The following MLLT10 variants were observed in gnomAD, a reference collection of about 807,000 sequenced individuals.
MLLT10 encodes MLLT10 histone lysine methyltransferase DOT1L cofactor.
Under a neutral mutation model 129.1 loss-of-function variants are expected in MLLT10, and 30 were observed. That is an observed-to-expected ratio of 0.23 (90% CI 0.17 to 0.32). The LOEUF is 0.32. MLLT10 is among the 10% of genes least tolerant of loss of function. The pLI is 1.00. For synonymous variants in MLLT10, 490 were observed against 446.4 expected, an observed-to-expected ratio of 1.10 and a Z score of -1.23; for missense variants, 1,119 against 1,268.3, an observed-to-expected ratio of 0.88 and a Z score of 1.79.
At chr10:21,582,094 T>TTA (rs1406279998) in intron 3 of MLLT10, among the ~76,000 whole-genome samples, 5 of 152,142 alleles carry the variant, frequency 3.3e-5, no homozygotes, top group African/African-American at 9.7e-5. Flanking sequence ...ATAGCTTTTC[T>TTA]TATAGTACAT....
chr10:21,543,545 C>T (rs1462174889), intron 3 of MLLT10, among the ~76,000 whole-genome samples: 3 of 152,090 alleles, frequency 2.0e-5, no homozygotes, highest in Non-Finnish European at 4.4e-5. Context: ...GTGGCATCAT[C>T]TTGGCTCACT....
rs1833877809 is a variant in MLLT10, at chr10:21,743,101, C to T, written c.*1118C>T. The T allele has an allele frequency of 8.7e-6, 2 of 230,624 alleles. No individual in the cohort carries two copies. The highest frequency in any genetic ancestry group is 6.2e-5 in the East Asian group (1 of 16,124). The allele number at this position is 230,624 out of a possible 1,614,324, so 14.3% of individuals were successfully genotyped here. A position where few individuals can be genotyped will look rare whatever the true frequency, so the allele number is the denominator to read the frequency against. On this transcript the variant is annotated 3_prime_UTR_variant, in exon 23 of 23. Transcript: ENST00000307729. ...ACAGCCCTTCCACTTTGGGGAGCCACGCTTTTGATGTGACAGTACCGCAGA... is the reference window on the plus strand; with the variant it reads ...ACAGCCCTTCCACTTTGGGGAGCCATGCTTTTGATGTGACAGTACCGCAGA...
intron 3 of MLLT10, among the ~76,000 whole-genome samples, chr10:21,552,163 G>A (rs1017043769): frequency 6.6e-6 from 1 of 151,438 alleles, no homozygotes; most frequent in Non-Finnish European, 1.5e-5. Flanking sequence ...TGGGTTCAAG[G>A]GATCCTCCAG....
At chr10:21,674,642 A>G (rs953750752) in intron 11 of MLLT10, among the ~76,000 whole-genome samples, 2 of 152,190 alleles carry the variant, frequency 1.3e-5, no homozygotes, top group Admixed American at 6.5e-5. Context: ...AATGCAATGC[A>G]TGTTTTTAGA....
At chr10:21,714,732 G>A (rs914594486) in intron 14 of MLLT10, among the ~76,000 whole-genome samples, 3 of 152,142 alleles carry the variant, frequency 2.0e-5, no homozygotes, top group Admixed American at 1.3e-4. Flanking sequence ...AGGTTTTGCC[G>A]TGTTGGCCAG....
Position 21,670,544 on chromosome 10 carries a change from C to G in MLLT10, c.891C>G (p.Val297=). Reference sequence around the variant, plus strand: ...TTACAAATGCAAATTTCCAGGAAGTCTCTGCACACACCTCTAGTGGAAAAG... The same window carrying G: ...TTACAAATGCAAATTTCCAGGAAGTGTCTGCACACACCTCTAGTGGAAAAG... ...ARFTNANFQE[V]SAHTSSGKDV... Residue 297 remains valine, a synonymous_variant, in exon 10 of 23, where the codon GTC becomes GTG. Coordinates refer to ENST00000307729, the MANE Select transcript of MLLT10 (RefSeq NM_001195626.3). 2 of 1,614,128 alleles carry G rather than the reference C, an allele frequency of 1.2e-6. No homozygotes were observed. Among genetic ancestry groups the G allele is most frequent in the South Asian group, 1.1e-5 (1 of 91,076 alleles).
chr10:21,705,966 GTC>G (rs1403718675), intron 13 of MLLT10, among the ~76,000 whole-genome samples: 1 of 152,218 alleles, frequency 6.6e-6, no homozygotes, highest in African/African-American at 2.4e-5. Context: ...ACAGCTGAGG[GTC>G]TCTAACCTGT....
chr10:21,539,198 A>G (rs1588766417), intron 3 of MLLT10, among the ~76,000 whole-genome samples: 2 of 152,326 alleles, frequency 1.3e-5, no homozygotes, highest in African/African-American at 4.8e-5. Flanking sequence ...AGAAGTTTGA[A>G]GGTTACACTG....
intron 9 of MLLT10, chr10:21,669,017 G>T: frequency 7.2e-7 from 1 of 1,382,402 alleles, no homozygotes; most frequent in South Asian, 1.2e-5. Context: ...TTTCCAAATT[G>T]ACCTGCCCAG....
chr10:21,726,963 G>A (rs555745126), intron 15 of MLLT10, among the ~76,000 whole-genome samples: 41 of 152,282 alleles, frequency 2.7e-4, no homozygotes, highest in African/African-American at 9.1e-4. Context: ...ACCAGTTGAC[G>A]TTTTGTCGCA....
intron 8 of MLLT10, among the ~76,000 whole-genome samples, chr10:21,617,873 A>G (rs1005746205): frequency 2.0e-5 from 3 of 152,176 alleles, no homozygotes; most frequent in Non-Finnish European, 4.4e-5. Context: ...ACATATTGCC[A>G]TTAGCTGAGC....
chr10:21,633,877 C>A (rs538587653), intron 8 of MLLT10, among the ~76,000 whole-genome samples: 10 of 152,110 alleles, frequency 6.6e-5, no homozygotes, highest in Non-Finnish European at 1.5e-4. Flanking sequence ...TCTCGTTGTT[C>A]GAGCAATGTC....
At chr10:21,618,772 G>A (rs907192489) in intron 8 of MLLT10, among the ~76,000 whole-genome samples, 2 of 151,542 alleles carry the variant, frequency 1.3e-5, no homozygotes, top group African/African-American at 2.4e-5. Context: ...TAACTCTGTC[G>A]CCCAGGCTAG....
In MLLT10 at chr10:21,617,223, G is replaced by A; in HGVS notation, c.699+16G>A. The A allele has an allele frequency of 2.1e-6, 3 of 1,439,622 alleles. No individual in the cohort carries two copies. Among genetic ancestry groups the A allele is most frequent in the Non-Finnish European group, 2.8e-6 (3 of 1,074,162 alleles). The allele number at this position is 1,439,622 out of a possible 1,614,324, so 89.2% of individuals were successfully genotyped here. A position where few individuals can be genotyped will look rare whatever the true frequency, so the allele number is the denominator to read the frequency against. On this transcript the variant is annotated intron_variant, in intron 8 of 22. Coordinates refer to ENST00000307729, the MANE Select transcript of MLLT10 (RefSeq NM_001195626.3). ...AGAGAAAAAAGTAAGTGGATTTGTT[G>A]TTGCTAAATTTGTAGCACATCTACT...
intron 3 of MLLT10, among the ~76,000 whole-genome samples, chr10:21,584,166 C>CCAATAGGCT (rs1296276452): frequency 2.7e-5 from 4 of 148,844 alleles, no homozygotes; most frequent in Middle Eastern, 3.6e-3. Context: ...CCGCGCCCAG[C>CCAATAGGCT]CTTTTTTTTT....
At chr10:21,649,602 A>T (rs919945481) in intron 8 of MLLT10, among the ~76,000 whole-genome samples, 1 of 152,190 alleles carries the variant, frequency 6.6e-6, no homozygotes, top group Non-Finnish European at 1.5e-5. Context: ...TGTTGGTCTT[A>T]TTCACATGTC....
At chr10:21,534,849 C>A in intron 2 of MLLT10, 45 bp downstream of exon 2, 1 of 1,438,512 alleles carries the variant, frequency 7.0e-7, no homozygotes, top group Non-Finnish European at 9.2e-7. Flanking sequence ...CTGCGCCCAA[C>A]GGTCACCGCC....
In MLLT10 at chr10:21,646,852, C is replaced by CTTT. The variant is rs1564570258; in HGVS notation, c.700-4821_700-4820insTTT. On this transcript the variant is annotated intron_variant, in intron 8 of 22. Coordinates refer to ENST00000307729, the MANE Select transcript of MLLT10 (RefSeq NM_001195626.3). ...AGTTTTCCGAAATCTCTGACTATTC[C>CTTT]CTTTTTTTTTTTTTTTTTTCTGAGA... Among the ~76,000 whole-genome samples, 4 of 150,144 alleles carry CTTT rather than the reference C, an allele frequency of 2.7e-5. No individual in the cohort carries two copies. In the East Asian group the frequency reaches 7.8e-4, roughly 29 times the overall value.
At chr10:21,549,169 G>C (rs1674871549) in intron 3 of MLLT10, among the ~76,000 whole-genome samples, 1 of 148,960 alleles carries the variant, frequency 6.7e-6, no homozygotes, top group Non-Finnish European at 1.5e-5. Flanking sequence ...TGTCACCCTG[G>C]CTGGAGTGCA....
Sources: allele counts gnomAD v4.1 joint callset (sites outside exome capture counted in the v4.1 genomes callset), GRCh38; gene constraint gnomAD v4.1.1; transcripts MANE v1.5; gene names NCBI Gene and HGNC (gene_info 2026-07-23, HGNC 2026-07-21).